Variants in PACRG observed in about 807,000 individuals in gnomAD.
PACRG encodes parkin coregulated gene protein.
PACRG carries 29 observed loss-of-function variants against 29.7 expected under a neutral mutation model. That is an observed-to-expected ratio of 0.98 (90% CI 0.73 to 1.33). The LOEUF (loss-of-function observed/expected upper bound fraction) is 1.33, where lower values mean the gene tolerates loss of function less well. PACRG is among the 40% of genes most tolerant of loss of function. PACRG has a pLI of 0.00. For synonymous variants in PACRG, 116 were observed against 118.7 expected, an observed-to-expected ratio of 0.98 and a Z score of 0.15; for missense variants, 279 against 316.2, an observed-to-expected ratio of 0.88 and a Z score of 0.89.
chr6:162,983,224 A>C (rs1399137062), intron 2 of PACRG, among the ~76,000 whole-genome samples: 4 of 151,998 alleles, frequency 2.6e-5, no homozygotes, highest in Non-Finnish European at 5.9e-5. Flanking sequence ...TCTCTTGAAG[A>C]CAGCAGATAC....
Position 162,907,119 on chromosome 6 carries a change from CA to C in PACRG, c.291+92839del, listed in dbSNP as rs572308884. ...ATTGAAAAGCATTTTGTTCATATAC[CA>C]TGAGTTCTTTATATGAATGATTTGC... On this transcript the variant is annotated intron_variant, in intron 2 of 4. Transcript: ENST00000366888. Among the ~76,000 whole-genome samples, 301 of 152,194 alleles carry C rather than the reference CA, an allele frequency of 2.0e-3. 1 individual carries two copies. Among genetic ancestry groups the C allele is most frequent in the Non-Finnish European group, 2.7e-3 (181 of 67,968 alleles).
At chr6:162,917,808 C>A (rs1287984618) in intron 2 of PACRG, among the ~76,000 whole-genome samples, 2 of 152,002 alleles carry the variant, frequency 1.3e-5, no homozygotes, top group Admixed American at 1.3e-4. Context: ...ATTTGTTGAG[C>A]AAAAGAGCTT....
rs548688037 is a variant in PACRG at position 162,971,434 on chromosome 6, G to A, written c.292-90716G>A. Among the ~76,000 whole-genome samples, 49 of 152,288 alleles carry A rather than the reference G, an allele frequency of 3.2e-4. 1 individual carries two copies. Among genetic ancestry groups the A allele is most frequent in the Non-Finnish European group, 6.2e-4 (42 of 68,020 alleles). ...CGGCATTATGAAGATCTGTAAGTGAGCACTTACGGAGCTTCCTAAACACCT... is the reference window on the plus strand; with the variant it reads ...CGGCATTATGAAGATCTGTAAGTGAACACTTACGGAGCTTCCTAAACACCT... On this transcript the variant is annotated intron_variant, in intron 2 of 4. Transcript: ENST00000366888.
intron 2 of PACRG, among the ~76,000 whole-genome samples, chr6:163,008,430 G>T (rs960020847): frequency 6.6e-6 from 1 of 151,916 alleles, no homozygotes; most frequent in Non-Finnish European, 1.5e-5. Context: ...TGTGACCAGC[G>T]TGTGTTTTCC....
chr6:163,123,315 AAGG>A (rs61488963), intron 4 of PACRG, among the ~76,000 whole-genome samples: 6,755 of 152,330 alleles, frequency 0.044, 236 homozygotes, highest in East Asian at 0.12. Context: ...CTGTGGTGAC[AAGG>A]AGAAGAGGGC....
chr6:163,259,124 C>T (rs1346449235), intron 4 of PACRG, among the ~76,000 whole-genome samples: 1 of 152,190 alleles, frequency 6.6e-6, no homozygotes, highest in Non-Finnish European at 1.5e-5. Flanking sequence ...TACATAAGGT[C>T]ATTAAGCAAC....
chr6:162,987,758 TG>T (rs1383758050), intron 2 of PACRG, among the ~76,000 whole-genome samples: 1 of 152,110 alleles, frequency 6.6e-6, no homozygotes, highest in African/African-American at 2.4e-5. Flanking sequence ...CTGGTGGAGG[TG>T]GCAGGGGATT....
chr6:163,157,323 C>T (rs1050846622), intron 4 of PACRG, among the ~76,000 whole-genome samples: 1 of 152,180 alleles, frequency 6.6e-6, no homozygotes, highest in Non-Finnish European at 1.5e-5. Context: ...CCTCAGCTCT[C>T]GTGATCATTC....
chr6:163,138,022 C>G (rs1817006233), intron 4 of PACRG, among the ~76,000 whole-genome samples: 1 of 152,218 alleles, frequency 6.6e-6, no homozygotes, highest in African/African-American at 2.4e-5. Flanking sequence ...GGCTCAGAGG[C>G]TCTGTGCCCA....
intron 2 of PACRG, among the ~76,000 whole-genome samples, chr6:162,876,201 G>A (rs1391659186): frequency 1.3e-5 from 2 of 152,194 alleles, no homozygotes; most frequent in Non-Finnish European, 2.9e-5. Flanking sequence ...GAACCTCATT[G>A]TAGGTGGATT....
intron 1 of PACRG, among the ~76,000 whole-genome samples, chr6:162,746,903 T>A (rs1781031234): frequency 6.6e-6 from 1 of 152,208 alleles, no homozygotes; most frequent in South Asian, 2.1e-4. Flanking sequence ...CACTTGGCCT[T>A]CTTATTTATG....
At chr6:163,054,273 A>C (rs971359415) in intron 2 of PACRG, 1 of 152,212 alleles carries the variant, frequency 6.6e-6, no homozygotes, top group South Asian at 2.1e-4. Flanking sequence ...CATTGTCTTT[A>C]TAAGAAGAGA....
intron 2 of PACRG, among the ~76,000 whole-genome samples, chr6:162,986,739 C>A (rs1450652164): frequency 6.6e-6 from 1 of 152,054 alleles, no homozygotes; most frequent in Non-Finnish European, 1.5e-5. Context: ...TTGTTTTTGT[C>A]TGATTGGATT....
At chr6:163,005,719 A>G (rs1805001989) in intron 2 of PACRG, among the ~76,000 whole-genome samples, 2 of 144,858 alleles carry the variant, frequency 1.4e-5, no homozygotes, top group South Asian at 2.1e-4. Flanking sequence ...TACCTAGTAT[A>G]TATGTTCAAA....
Position 162,947,364 on chromosome 6 carries a change from A to ATAT in PACRG, c.292-114786_292-114785insTAT, listed in dbSNP as rs373909688. ...TATAATGATTACATATATATAATGT[A>ATAT]ATCATATATAATCATATATATAATC... is the stretch of plus-strand genomic sequence containing the variant. On this transcript the variant is annotated intron_variant, in intron 2 of 4. Coordinates refer to ENST00000366888, the MANE Select transcript of PACRG (RefSeq NM_001080379.2). 7.3e-3 allele frequency among the ~76,000 whole-genome samples: 405 copies of ATAT among 55,552 alleles called. 28 individuals carry two copies. Among genetic ancestry groups the ATAT allele is most frequent in the African/African-American group, 0.025 (358 of 14,572 alleles). 36.4% of individuals were successfully genotyped at this position (55,552 alleles called of 152,430 possible).
At chr6:162,806,002 T>C (rs1056675748) in intron 1 of PACRG, among the ~76,000 whole-genome samples, 3 of 152,218 alleles carry the variant, frequency 2.0e-5, no homozygotes, top group Admixed American at 6.5e-5. Flanking sequence ...GCATTTAGAA[T>C]GGTAAATCCT....
At chr6:162,823,281 A>T (rs9295199) in intron 2 of PACRG, among the ~76,000 whole-genome samples, 152,279 of 152,300 alleles carry the variant, frequency 1, 76,129 homozygotes, top group Middle Eastern at 1. Flanking sequence ...GTATTCTTCC[A>T]TTAGTACAGT....
Position 162,870,753 on chromosome 6 carries a change from G to A in PACRG, c.291+56472G>A, listed in dbSNP as rs146692529. Reference sequence around the variant, plus strand: ...ACAACTGATATCTTACTTTATGAGTGTTTCTTATGGGGTAGAAATTTCTGA... The same window carrying A: ...ACAACTGATATCTTACTTTATGAGTATTTCTTATGGGGTAGAAATTTCTGA... On this transcript the variant is annotated intron_variant, in intron 2 of 4. Coordinates refer to ENST00000366888, the MANE Select transcript of PACRG (RefSeq NM_001080379.2). 4.8e-3 allele frequency among the ~76,000 whole-genome samples: 730 copies of A among 152,264 alleles called. 11 individuals carry two copies. Among genetic ancestry groups the A allele is most frequent in the African/African-American group, 0.017 (698 of 41,552 alleles).
At chr6:162,917,020 T>C (rs114808523) in intron 2 of PACRG, among the ~76,000 whole-genome samples, 11 of 152,260 alleles carry the variant, frequency 7.2e-5, no homozygotes, top group African/African-American at 2.4e-4. Flanking sequence ...TCACATTTCT[T>C]TTTGTCTCTT....
Sources: gnomAD v4.1 joint callset for allele counts (sites outside exome capture counted in the v4.1 genomes callset) on GRCh38, gnomAD v4.1.1 for gene constraint, MANE v1.5 for transcripts, NCBI Gene and HGNC (gene_info 2026-07-23, HGNC 2026-07-21) for gene names.